The following PTPRN2 variants were observed in gnomAD, a reference collection of about 807,000 sequenced individuals.
The protein encoded by PTPRN2 is receptor-type tyrosine-protein phosphatase N2.
PTPRN2 carries 74 observed loss-of-function variants against 118.8 expected under a neutral mutation model. The observed-to-expected ratio is 0.62, with a 90% confidence interval of 0.52 to 0.76. PTPRN2 has a LOEUF of 0.76. Among genes scored for constraint, PTPRN2 ranks in the 30% least tolerant of loss-of-function variants. PTPRN2 has a pLI of 0.00. For missense variants in PTPRN2, 1,481 were observed against 1,394.4 expected (o/e 1.06, Z -0.99); for synonymous variants, 641 against 608.0 (o/e 1.05, Z -0.80).
intron 13 of PTPRN2, among the ~76,000 whole-genome samples, chr7:157,661,204 G>A (rs1795868054): frequency 6.6e-6 from 1 of 152,272 alleles, no homozygotes; most frequent in Non-Finnish European, 1.5e-5. Flanking sequence ...GTGGTCTCGC[G>A]TCACTGCGCA....
intron 18 of PTPRN2, among the ~76,000 whole-genome samples, chr7:157,577,532 G>A (rs1408673861): frequency 6.6e-6 from 1 of 152,116 alleles, no homozygotes; most frequent in Non-Finnish European, 1.5e-5. Flanking sequence ...AAGGTCACAT[G>A]ATCCAGCCAC....
rs929343747 is a variant in PTPRN2, at chr7:157,986,572, G to A, written c.1724-87835C>T. 8.5e-5 allele frequency among the ~76,000 whole-genome samples: 13 copies of A among 152,080 alleles called. No homozygotes were observed. The highest frequency in any genetic ancestry group is 2.6e-4 in the Admixed American group (4 of 15,280). ...CTTTCCCTCCTGCCTGCCTTTCTGC[G>A]ACATCTGCACTATTCAGACATCACG... is the stretch of plus-strand genomic sequence containing the variant. On this transcript the variant is annotated intron_variant, in intron 11 of 22. Coordinates refer to ENST00000389418, the MANE Select transcript of PTPRN2 (RefSeq NM_002847.5). The surrounding 1 kb of genome is among the most constrained non-coding windows in gnomAD (Gnocchi z 4.5).
Position 157,769,208 on chromosome 7 carries a change from G to T in PTPRN2, c.1789-86271C>A, listed in dbSNP as rs1032013103. 2.0e-5 allele frequency among the ~76,000 whole-genome samples: 3 copies of T among 152,098 alleles called. No homozygotes were observed. The South Asian group carries it at 6.2e-4, about 32-fold the overall frequency. On this transcript the variant is annotated intron_variant, in intron 12 of 22. Coordinates refer to ENST00000389418, the MANE Select transcript of PTPRN2 (RefSeq NM_002847.5). ...ATTCCGCCCCCCACACGCTTTGCCC[G>T]TGCCAAGCAAGGACCAACACATGCC...
chr7:157,769,341 G>A (rs79840735), intron 12 of PTPRN2, among the ~76,000 whole-genome samples: 1,787 of 152,268 alleles, frequency 0.012, 75 homozygotes, highest in East Asian at 0.094. Flanking sequence ...ATGAGCTGCC[G>A]GCAACCAGCT....
chr7:157,736,962 G>A (rs1050621941), intron 12 of PTPRN2, among the ~76,000 whole-genome samples: 4 of 152,128 alleles, frequency 2.6e-5, no homozygotes, highest in African/African-American at 7.2e-5. Flanking sequence ...AAAGGGTAGA[G>A]TAAATGTGCT....
chr7:157,616,146 G>C (rs1802759191), intron 15 of PTPRN2: 1 of 157,286 alleles, frequency 6.4e-6, no homozygotes, highest in Non-Finnish European at 1.4e-5. Context: ...GAATCGGAAG[G>C]AGGATGTGAG....
intron 12 of PTPRN2, among the ~76,000 whole-genome samples, chr7:157,805,173 C>T (rs890934767): frequency 6.6e-6 from 1 of 152,088 alleles, no homozygotes; most frequent in Non-Finnish European, 1.5e-5. Flanking sequence ...AAGGAAACTC[C>T]TTCTCTGGGA....
intron 3 of PTPRN2, among the ~76,000 whole-genome samples, chr7:158,212,141 C>G (rs372840318): frequency 2.7e-4 from 41 of 151,824 alleles, no homozygotes; most frequent in African/African-American, 9.0e-4. Context: ...ATGTTCTCAC[C>G]GATTTGTGGG....
intron 1 of PTPRN2, among the ~76,000 whole-genome samples, chr7:158,533,683 T>C (rs1825418836): frequency 6.6e-6 from 1 of 152,222 alleles, no homozygotes. Context: ...CACCGAGCCG[T>C]CAATCTTCCA....
At chr7:158,441,933 T>C (rs1817330056) in intron 2 of PTPRN2, among the ~76,000 whole-genome samples, 1 of 103,122 alleles carries the variant, frequency 9.7e-6, no homozygotes, top group Non-Finnish European at 2.1e-5. Context: ...GTGATGGTCA[T>C]GGCAGTGGTG....
intron 12 of PTPRN2, among the ~76,000 whole-genome samples, chr7:157,832,374 G>A (rs1417280226): frequency 6.6e-6 from 1 of 152,226 alleles, no homozygotes; most frequent in Non-Finnish European, 1.5e-5. Context: ...GTCTGTTCAG[G>A]AAGGTTGCCT....
chr7:158,265,466 C>A (rs1298846040), intron 3 of PTPRN2, among the ~76,000 whole-genome samples: 1 of 151,966 alleles, frequency 6.6e-6, no homozygotes, highest in East Asian at 1.9e-4. Context: ...CGACGGGACA[C>A]ACCTGGAGGT....
chr7:158,228,501 C>T (rs1256384000), intron 3 of PTPRN2, among the ~76,000 whole-genome samples: 1 of 151,982 alleles, frequency 6.6e-6, no homozygotes, highest in Non-Finnish European at 1.5e-5. Flanking sequence ...ACTTCTGGTC[C>T]CAAAATGGTG....
Position 157,550,594 on chromosome 7 carries a change from C to T in PTPRN2, c.2903-1575G>A, listed in dbSNP as rs115928570. Among the ~76,000 whole-genome samples, 1,161 of 152,318 alleles carry T rather than the reference C, an allele frequency of 7.6e-3. 17 individuals are homozygous for T. The highest frequency in any genetic ancestry group is 0.027 in the African/African-American group (1,107 of 41,576). On this transcript the variant is annotated intron_variant, in intron 21 of 22. Coordinates refer to ENST00000389418, the MANE Select transcript of PTPRN2 (RefSeq NM_002847.5). The surrounding 1 kb of genome is among the most constrained non-coding windows in gnomAD (Gnocchi z 5.2). The stretch of plus-strand genomic sequence containing the variant: ...AGACACTGGCATTTCCTGGCAGGAA[C>T]AGGGCTCGTGGTGATGGGAGCCACT...
chr7:158,515,187 A>ATTT (rs56906268), intron 1 of PTPRN2, among the ~76,000 whole-genome samples: 18 of 139,178 alleles, frequency 1.3e-4, no homozygotes, highest in African/African-American at 2.6e-4. Flanking sequence ...CAGTGAGTGT[A>ATTT]TTTTTTTTTT....
At chr7:158,254,964 C>G (rs1313808121) in intron 3 of PTPRN2, among the ~76,000 whole-genome samples, 1 of 152,240 alleles carries the variant, frequency 6.6e-6, no homozygotes, top group Non-Finnish European at 1.5e-5. Context: ...GGCCCAGGCC[C>G]AGGAAGAAGC....
intron 6 of PTPRN2, among the ~76,000 whole-genome samples, chr7:158,144,386 C>T (rs1389422843): frequency 1.3e-5 from 2 of 152,112 alleles, no homozygotes; most frequent in Non-Finnish European, 2.9e-5. Flanking sequence ...ACCCGTAATC[C>T]CAGCACTTTG....
intron 12 of PTPRN2, among the ~76,000 whole-genome samples, chr7:157,765,813 A>T (rs1802428824): frequency 6.9e-6 from 1 of 144,320 alleles, no homozygotes; most frequent in Non-Finnish European, 1.5e-5. Flanking sequence ...TCACTCACCC[A>T]TCCATCATCC....
chr7:158,477,989 G>A (rs1307610362), intron 2 of PTPRN2, among the ~76,000 whole-genome samples: 3 of 152,226 alleles, frequency 2.0e-5, no homozygotes, highest in Non-Finnish European at 4.4e-5. Flanking sequence ...GACAGAGAAG[G>A]GGAGAGAGCG....
Sources: allele counts gnomAD v4.1 joint callset (sites outside exome capture counted in the v4.1 genomes callset), GRCh38; gene constraint gnomAD v4.1.1; non-coding constraint Gnocchi (gnomAD v3.1); transcripts MANE v1.5; gene names NCBI Gene and HGNC (gene_info 2026-07-23, HGNC 2026-07-21).